MDGA2: variants seen among roughly 807,000 people sequenced by gnomAD.
The protein encoded by MDGA2 is MAM domain containing glycosylphosphatidylinositol anchor 2, also known as MAM domain-containing glycosylphosphatidylinositol anchor protein 2.
A neutral mutation model predicts 117.8 loss-of-function variants in MDGA2; 40 were observed. That is an observed-to-expected ratio of 0.34 (90% CI 0.26 to 0.44). The LOEUF is 0.44. MDGA2 is among the 20% of genes least tolerant of loss of function. The pLI is 1.00. For synonymous variants in MDGA2, 452 were observed against 439.0 expected (o/e 1.03, Z -0.37); for missense variants, 1,123 against 1,250.6 (o/e 0.90, Z 1.54).
rs540692621 is a variant in MDGA2 at position 46,910,067 on chromosome 14, A to T, written c.2238+9945T>A. On this transcript the variant is annotated intron_variant, in intron 10 of 16. Transcript: ENST00000399232. ...AGAGTTAATTTTCATTTTTAATATAAATTTCATTTTTAATATAAATAATCA... is the reference window on the plus strand; with the variant it reads ...AGAGTTAATTTTCATTTTTAATATATATTTCATTTTTAATATAAATAATCA... Among the ~76,000 whole-genome samples the T allele has an allele frequency of 1.0e-3, 156 of 152,250 alleles. 2 individuals are homozygous for T. Among genetic ancestry groups the T allele is most frequent in the Middle Eastern group, 0.01 (3 of 294 alleles).
chr14:47,394,974 A>G (rs922619811), intron 1 of MDGA2, among the ~76,000 whole-genome samples: 10 of 152,086 alleles, frequency 6.6e-5, no homozygotes, highest in Admixed American at 3.9e-4. Flanking sequence ...CAACATAGTG[A>G]GACCCCCGTC....
At chr14:46,983,101 G>C (rs895138361) in intron 8 of MDGA2, among the ~76,000 whole-genome samples, 4 of 151,888 alleles carry the variant, frequency 2.6e-5, no homozygotes, top group Non-Finnish European at 4.4e-5. Flanking sequence ...TAATATGCTG[G>C]ATTACGTTTA....
chr14:47,267,314 G>T (rs1887999159), intron 2 of MDGA2, among the ~76,000 whole-genome samples: 1 of 151,826 alleles, frequency 6.6e-6, no homozygotes. Context: ...GATCACAAAG[G>T]CAATTTAATG....
At chr14:46,887,915 T>C (rs750765875) in intron 10 of MDGA2, among the ~76,000 whole-genome samples, 55 of 151,976 alleles carry the variant, frequency 3.6e-4, no homozygotes, top group Non-Finnish European at 7.5e-4. Flanking sequence ...TGTACTTTCC[T>C]TGATGTTAAC....
intron 9 of MDGA2, among the ~76,000 whole-genome samples, chr14:46,953,855 G>C (rs1885459111): frequency 6.6e-6 from 1 of 151,986 alleles, no homozygotes; most frequent in Non-Finnish European, 1.5e-5. Flanking sequence ...ATAAATAAAT[G>C]CTGCATTTTG....
chr14:47,608,020 T>C (rs1896772938), intron 1 of MDGA2, among the ~76,000 whole-genome samples: 1 of 152,150 alleles, frequency 6.6e-6, no homozygotes, highest in Non-Finnish European at 1.5e-5. Flanking sequence ...TCTAAAAGAC[T>C]TGTCATTATT....
intron 10 of MDGA2, among the ~76,000 whole-genome samples, chr14:46,898,014 G>T (rs932698359): frequency 2.0e-5 from 3 of 151,494 alleles, no homozygotes; most frequent in African/African-American, 7.3e-5. Context: ...TTTCTAAGAG[G>T]ATCTGAAATT....
intron 8 of MDGA2, among the ~76,000 whole-genome samples, chr14:46,961,230 A>C (rs2138277142): frequency 6.6e-6 from 1 of 152,228 alleles, no homozygotes; most frequent in Admixed American, 6.6e-5. Context: ...TGGGCTTCTT[A>C]GATCTGTTAA....
At chr14:47,060,350 T>C (rs1889839986) in intron 7 of MDGA2, among the ~76,000 whole-genome samples, 1 of 152,128 alleles carries the variant, frequency 6.6e-6, no homozygotes, top group South Asian at 2.1e-4. Flanking sequence ...CACAAAATTA[T>C]AGGTGAATAC....
intron 5 of MDGA2, among the ~76,000 whole-genome samples, chr14:47,108,854 CA>C (rs1380261935): frequency 6.6e-6 from 1 of 152,078 alleles, no homozygotes; most frequent in South Asian, 2.1e-4. Flanking sequence ...GTCAGTGAAG[CA>C]AAAAAGATGA....
intron 1 of MDGA2, among the ~76,000 whole-genome samples, chr14:47,470,125 T>A (rs1000896083): frequency 5.3e-5 from 8 of 151,862 alleles, no homozygotes; most frequent in African/African-American, 1.9e-4. Flanking sequence ...TTTTTATTTT[T>A]TTTTTGATGC....
At chr14:47,531,228 G>A (rs1212191017) in intron 1 of MDGA2, among the ~76,000 whole-genome samples, 2 of 152,164 alleles carry the variant, frequency 1.3e-5, no homozygotes, top group Non-Finnish European at 2.9e-5. Context: ...CTGGGCGACA[G>A]AGCGAGACTC....
intron 9 of MDGA2, among the ~76,000 whole-genome samples, chr14:46,943,279 T>G (rs1885061451): frequency 6.6e-6 from 1 of 152,044 alleles, no homozygotes; most frequent in African/African-American, 2.4e-5. Flanking sequence ...TCTTTGTATT[T>G]GAAGTGCGTT....
chr14:47,396,231 A>G (rs1892005689), intron 1 of MDGA2, among the ~76,000 whole-genome samples: 3 of 152,162 alleles, frequency 2.0e-5, no homozygotes. Context: ...TTTCATTATT[A>G]TAGTCACATT....
intron 1 of MDGA2, among the ~76,000 whole-genome samples, chr14:47,526,949 C>T (rs929353846): frequency 3.3e-5 from 5 of 152,182 alleles, no homozygotes; most frequent in South Asian, 2.1e-4. Flanking sequence ...TTTTCACCCA[C>T]GTCTCCCAAG....
chr14:47,305,262 G>A (rs1889405094), intron 1 of MDGA2: 1 of 152,134 alleles, frequency 6.6e-6, no homozygotes. Context: ...CCTCTGCCTT[G>A]TTGGTAAAAA....
chr14:46,965,212 C>T (rs747177804), intron 8 of MDGA2, among the ~76,000 whole-genome samples: 1 of 120,208 alleles, frequency 8.3e-6, no homozygotes, highest in Non-Finnish European at 1.6e-5. Flanking sequence ...CGCGAGCCAC[C>T]GCGCCCGGCC....
rs149004255 is a variant in MDGA2 at position 47,605,922 on chromosome 14, AC to A, written c.280+68594del. ...GGTTTATCTCAAATATGCTCAGTCCACACAAAGGGCCATCTCCTGGTCATCA... is the reference window on the plus strand; with the variant it reads ...GGTTTATCTCAAATATGCTCAGTCCAACAAAGGGCCATCTCCTGGTCATCA... On this transcript the variant is annotated intron_variant, in intron 1 of 16. Coordinates refer to ENST00000399232, the MANE Select transcript of MDGA2 (RefSeq NM_001113498.3). 1.1e-4 allele frequency among the ~76,000 whole-genome samples: 17 copies of A among 152,150 alleles called. No individual in the cohort carries two copies. The East Asian group carries it at 2.5e-3, about 23-fold the overall frequency.
At chr14:47,655,485 G>A (rs1263785570) in intron 1 of MDGA2, among the ~76,000 whole-genome samples, 5 of 152,038 alleles carry the variant, frequency 3.3e-5, no homozygotes, top group Admixed American at 6.6e-5. Context: ...TAAGAGAACC[G>A]AATAAGCAAA....
Sources: allele counts gnomAD v4.1 joint callset (sites outside exome capture counted in the v4.1 genomes callset), GRCh38; gene constraint gnomAD v4.1.1; transcripts MANE v1.5; gene names NCBI Gene and HGNC (gene_info 2026-07-23, HGNC 2026-07-21).